CAMSAP2: variants seen among roughly 807,000 people sequenced by gnomAD.
CAMSAP2 encodes the protein calmodulin-regulated spectrin-associated protein 2.
In CAMSAP2, 26 loss-of-function variants were observed where a neutral mutation model predicts 146.1. The ratio of observed to expected loss-of-function variants is 0.18; its 90% CI spans 0.13 to 0.25. The LOEUF is 0.25. Among genes scored for constraint, CAMSAP2 ranks in the 10% least tolerant of loss-of-function variants. CAMSAP2 has a pLI of 1.00. For synonymous variants in CAMSAP2, 499 were observed against 596.6 expected, an observed-to-expected ratio of 0.84 and a Z score of 2.38; for missense variants, 1,381 against 1,759.3, an observed-to-expected ratio of 0.78 and a Z score of 3.85.
Position 200,847,212 on chromosome 1 carries a change from G to T in CAMSAP2, c.1112G>T (p.Gly371Val). The T allele has an allele frequency of 6.2e-7, 1 of 1,603,182 alleles. No homozygotes were observed. The highest frequency in any genetic ancestry group is 8.5e-7 in the Non-Finnish European group (1 of 1,173,950). ...LDSSSDFPSSGEGATFTQSHH... is the reference protein window; with the variant it reads ...LDSSSDFPSSVEGATFTQSHH... ...TTTAAATTTATTTTCCATTGCAGTGGGGAAGGAGCTACATTTACACAGTCT... is the reference window on the plus strand; with the variant it reads ...TTTAAATTTATTTTCCATTGCAGTGTGGAAGGAGCTACATTTACACAGTCT... The change falls in exon 9 of 17, where the codon GGG becomes GTG. Residue 371 changes from glycine (G) to valine (V), a missense_variant and splice_region_variant. By Grantham distance (109) the Gly-to-Val change is moderately radical. Coordinates refer to ENST00000358823, the MANE Select transcript of CAMSAP2 (RefSeq NM_203459.4).
At chr1:200,816,435 C>A (rs573850792) in intron 4 of CAMSAP2, among the ~76,000 whole-genome samples, 415 of 149,620 alleles carry the variant, frequency 2.8e-3, no homozygotes, top group African/African-American at 9.4e-3. Context: ...TCTACTAAAA[C>A]TACAAAAAAT....
chr1:200,845,216 C>T (rs1450530542), intron 8 of CAMSAP2, among the ~76,000 whole-genome samples: 1 of 150,456 alleles, frequency 6.6e-6, no homozygotes, highest in Non-Finnish European at 1.5e-5. Context: ...AGGACTTTTA[C>T]ATATTTTATT....
intron 4 of CAMSAP2, 137 bp downstream of exon 4, chr1:200,815,781 T>G: frequency 2.4e-6 from 1 of 413,374 alleles, no homozygotes; most frequent in Non-Finnish European, 4.4e-6. Flanking sequence ...AAAGCCATAC[T>G]GTAAACACTA....
rs147116408 is a variant in CAMSAP2 at position 200,770,998 on chromosome 1, G to A, written c.399+9900G>A. ...CTAACCCAGTGCTTATTCTACAAAT[G>A]CATCCTGCAGCCATCCTTTTTCCTG... On this transcript the variant is annotated intron_variant, in intron 2 of 16. Transcript: ENST00000358823. Among the ~76,000 whole-genome samples, 589 of 152,242 alleles carry A rather than the reference G, an allele frequency of 3.9e-3. 3 individuals are homozygous for A. The highest frequency in any genetic ancestry group is 0.014 in the African/African-American group (562 of 41,550).
intron 1 of CAMSAP2, among the ~76,000 whole-genome samples, chr1:200,749,516 AATAC>A (rs1437392652): frequency 6.6e-6 from 1 of 152,178 alleles, no homozygotes; most frequent in Non-Finnish European, 1.5e-5. Flanking sequence ...ATGAATATTT[AATAC>A]ATAGGTGCCT....
chr1:200,760,433 T>TTG (rs1409556884), intron 1 of CAMSAP2, among the ~76,000 whole-genome samples: 1 of 152,210 alleles, frequency 6.6e-6, no homozygotes, highest in Non-Finnish European at 1.5e-5. Context: ...TGGCAAGGAC[T>TTG]AGCAGTCTCC....
At position 200,844,276 on chromosome 1, in the gene CAMSAP2, G is replaced by A. The variant is rs146575426; in HGVS notation, c.1022-506G>A. 2.6e-3 allele frequency among the ~76,000 whole-genome samples: 390 copies of A among 152,048 alleles called. 1 individual carries two copies. Among genetic ancestry groups the A allele is most frequent in the African/African-American group, 8.8e-3 (367 of 41,486 alleles). Reference sequence around the variant, plus strand: ...TAATTTAAGAAATTTTTGGCTGGGCGTGGTGGCTTACGCCTGTAATCCCAG... The same window carrying A: ...TAATTTAAGAAATTTTTGGCTGGGCATGGTGGCTTACGCCTGTAATCCCAG... On this transcript the variant is annotated intron_variant, in intron 7 of 16. Transcript: ENST00000358823.
At chr1:200,740,427 C>T (rs988172098) in intron 1 of CAMSAP2, among the ~76,000 whole-genome samples, 1 of 151,896 alleles carries the variant, frequency 6.6e-6, no homozygotes, top group Non-Finnish European at 1.5e-5. Context: ...ATTCAGGCTC[C>T]GTTGGATGTA....
Position 200,858,332 on chromosome 1 carries a change from C to T in CAMSAP2, c.*273C>T, listed in dbSNP as rs1667798172. On this transcript the variant is annotated 3_prime_UTR_variant, in exon 17 of 17. Coordinates refer to ENST00000358823, the MANE Select transcript of CAMSAP2 (RefSeq NM_203459.4). ...AGGTTCACCTGCTTGATATTAGATA[C>T]ATTAAAGCACTGAATTTTCATGGAT... 2 of 304,930 alleles carry T rather than the reference C, an allele frequency of 6.6e-6. No individual in the cohort carries two copies. The highest frequency in any genetic ancestry group is 6.0e-6 in the Non-Finnish European group (1 of 167,128). 18.9% of individuals were successfully genotyped at this position (304,930 alleles called of 1,614,324 possible). A position where few individuals can be genotyped will look rare whatever the true frequency, so the allele number is the denominator to read the frequency against.
chr1:200,744,078 G>T (rs745578567), intron 1 of CAMSAP2, among the ~76,000 whole-genome samples: 13 of 152,158 alleles, frequency 8.5e-5, no homozygotes, highest in Non-Finnish European at 1.5e-4. Context: ...AGGTGGAAAG[G>T]TTACTTATTC....
Position 200,815,562 on chromosome 1 carries a change from TA to T in CAMSAP2, c.566del (p.Asn189MetfsTer4). 6.7e-7 allele frequency: 1 copy of T among 1,491,918 alleles called. No homozygotes were observed. 92.4% of individuals were successfully genotyped at this position (1,491,918 alleles called of 1,614,324 possible). A position where few individuals can be genotyped will look rare whatever the true frequency, so the allele number is the denominator to read the frequency against. ...AAACTGATATTTTTATATTTTAAGG[TA>T]AATGAACATTTGAAAGACATAATGG... ...EDAVMYWINKVNEHLKDIMEQ... is the reference protein window; with the variant it reads ...EDAVMYWINKXNEHLKDIMEQ... On this transcript the variant is annotated frameshift_variant and splice_region_variant, in exon 4 of 17. Transcript: ENST00000358823. LOFTEE classifies it high-confidence loss of function.
At chr1:200,797,722 TGTTTTAGACATGAA>T (rs1665924309) in intron 2 of CAMSAP2, among the ~76,000 whole-genome samples, 1 of 106,322 alleles carries the variant, frequency 9.4e-6, no homozygotes, top group East Asian at 2.6e-4. Context: ...TTGCTTTTGG[TGTTTTAGACATGAA>T]GTCCTTGCCC....
At chr1:200,747,893 A>G (rs1260099549) in intron 1 of CAMSAP2, among the ~76,000 whole-genome samples, 2 of 150,216 alleles carry the variant, frequency 1.3e-5, no homozygotes, top group African/African-American at 4.9e-5. Context: ...AGGCTGAGGC[A>G]GGAGAATGGC....
At chr1:200,823,316 A>C (rs903467338) in intron 4 of CAMSAP2, among the ~76,000 whole-genome samples, 1 of 152,232 alleles carries the variant, frequency 6.6e-6, no homozygotes, top group Admixed American at 6.5e-5. Flanking sequence ...TTACAGAATT[A>C]TTTTAGATTT....
Position 200,854,171 on chromosome 1 carries a change from G to A in CAMSAP2, c.3824-646G>A, listed in dbSNP as rs559467384. Among the ~76,000 whole-genome samples, 4 of 152,076 alleles carry A rather than the reference G, an allele frequency of 2.6e-5. No homozygotes were observed. The South Asian group carries it at 8.3e-4, about 32-fold the overall frequency. On this transcript the variant is annotated intron_variant, in intron 13 of 16. Coordinates refer to ENST00000358823, the MANE Select transcript of CAMSAP2 (RefSeq NM_203459.4). ...ACTTTTTTGTATTTTTTGTACAGAT[G>A]GGGTTTCTTCATGTTGTTCAGGCTG...
chr1:200,769,298 T>C (rs898734042), intron 2 of CAMSAP2, among the ~76,000 whole-genome samples: 3 of 152,226 alleles, frequency 2.0e-5, no homozygotes, highest in Non-Finnish European at 2.9e-5. Flanking sequence ...CTAAACTTAC[T>C]ATTTTTGATG....
rs1300846903 is a variant in CAMSAP2 at position 200,807,397 on chromosome 1, G to A, written c.421G>A (p.Asp141Asn). 1.7e-5 allele frequency: 27 copies of A among 1,549,992 alleles called. No individual in the cohort carries two copies. Among genetic ancestry groups the A allele is most frequent in the Non-Finnish European group, 2.3e-5 (26 of 1,144,354 alleles). The change falls in exon 3 of 17, where the codon GAT (aspartate) becomes AAT (asparagine). Residue 141 changes from aspartate to asparagine, a missense_variant. Physicochemically the swap from Asp to Asn is conservative, Grantham distance 23. This residue lies in a region of CAMSAP2 where 284 missense variants were observed against 406.9 expected (regional missense o/e 0.70). Coordinates refer to ENST00000358823, the MANE Select transcript of CAMSAP2 (RefSeq NM_203459.4). ...TCAGAGTGCACATTTGGCCATGATCGATACCCTCATGATGGCTTATACTGT... is the reference window on the plus strand; with the variant it reads ...TCAGAGTGCACATTTGGCCATGATCAATACCCTCATGATGGCTTATACTGT... The part of the protein sequence containing the change: ...IQMSAHLAMI[D>N]TLMMAYTVEM...
At chr1:200,817,187 C>CATGTGTGTGTGTAT (rs1558192103) in intron 4 of CAMSAP2, among the ~76,000 whole-genome samples, 1 of 71,616 alleles carries the variant, frequency 1.4e-5, no homozygotes. Flanking sequence ...TACACACACA[C>CATGTGTGTGTGTAT]ACATGTGTGT....
In CAMSAP2 at chr1:200,853,309, G is replaced by T; in HGVS notation, c.3637G>T (p.Asp1213Tyr). 1.2e-6 allele frequency: 2 copies of T among 1,613,536 alleles called. No individual in the cohort carries two copies. The highest frequency in any genetic ancestry group is 1.7e-6 in the Non-Finnish European group (2 of 1,179,908). Residue 1213 changes from aspartate (D) to tyrosine (Y), a missense_variant, in exon 13 of 17, where the codon GAT becomes TAT. Physicochemically the swap from Asp to Tyr is radical, Grantham distance 160 (BLOSUM62 -3). Around this residue, in one of 4 missense-constraint regions of CAMSAP2, gnomAD observed 560 missense variants for 715.9 expected, o/e 0.78. Transcript: ENST00000358823. This position sits in a 1 kb window ranked among gnomAD's most constrained non-coding sequence, Gnocchi z 5.1. ...TGAGGAAGAACGTCAGAAGAAAGAA[G>T]ATGAGAGAGCACGCAGAGAATTTAT... ...KTEEERQKKEDERARREFIRQ... is the reference protein window; with the variant it reads ...KTEEERQKKEYERARREFIRQ...
Sources: allele counts gnomAD v4.1 joint callset (sites outside exome capture counted in the v4.1 genomes callset), GRCh38; gene constraint gnomAD v4.1.1; regional missense constraint gnomAD v4.1.1; non-coding constraint Gnocchi (gnomAD v3.1); transcripts MANE v1.5; gene names NCBI Gene and HGNC (gene_info 2026-07-23, HGNC 2026-07-21).